The following FOXP1 variants were observed in gnomAD, a reference collection of about 807,000 sequenced individuals.
The protein encoded by FOXP1 is forkhead box P1.
Under a neutral mutation model 98.2 loss-of-function variants are expected in FOXP1, and 15 were observed. That is an observed-to-expected ratio of 0.15 (90% CI 0.10 to 0.24). The LOEUF (loss-of-function observed/expected upper bound fraction) is 0.24. FOXP1 is among the 10% of genes least tolerant of loss of function. The probability of loss-of-function intolerance (pLI) is 1.00; values close to 1 mark genes in which losing one functional copy is unlikely to be tolerated. For synonymous variants in FOXP1, 371 were observed against 314.5 expected (o/e 1.18, Z -1.90); for missense variants, 633 against 848.5 (o/e 0.75, Z 3.15).
intron 3 of FOXP1, among the ~76,000 whole-genome samples, chr3:71,454,555 A>T (rs547472361): frequency 6.6e-6 from 1 of 152,282 alleles, no homozygotes; most frequent in South Asian, 2.1e-4. Context: ...CCTGAACATT[A>T]TCAAAGATGC....
intron 4 of FOXP1, among the ~76,000 whole-genome samples, chr3:71,329,543 C>T (rs372529970): frequency 1.3e-4 from 20 of 150,616 alleles, no homozygotes; most frequent in African/African-American, 4.7e-4. Flanking sequence ...TCTTAAATCT[C>T]ACAACACAGG....
At chr3:71,352,116 G>A (rs577337926) in intron 4 of FOXP1, among the ~76,000 whole-genome samples, 1 of 152,290 alleles carries the variant, frequency 6.6e-6, no homozygotes, top group African/African-American at 2.4e-5. Context: ...ATGCCTGCAA[G>A]TCGATAACCC....
chr3:71,393,467 A>G (rs2081177148), intron 3 of FOXP1, among the ~76,000 whole-genome samples: 1 of 152,132 alleles, frequency 6.6e-6, no homozygotes, highest in Admixed American at 6.5e-5. Flanking sequence ...CCTCTCTAAT[A>G]TCATGTACAT....
intron 3 of FOXP1, among the ~76,000 whole-genome samples, chr3:71,485,855 A>T (rs2090609642): frequency 6.6e-6 from 1 of 151,892 alleles, no homozygotes; most frequent in African/African-American, 2.4e-5. Flanking sequence ...TCAACTGAGG[A>T]AAAAGCCAGG....
chr3:71,112,508 T>C, intron 7 of FOXP1, 28 bp downstream of exon 7: 1 of 1,538,388 alleles, frequency 6.5e-7, no homozygotes, highest in South Asian at 1.1e-5. Flanking sequence ...GGGTATAATG[T>C]CAATTTAAAA....
At chr3:71,177,281 T>C (rs2061998965) in intron 6 of FOXP1, among the ~76,000 whole-genome samples, 1 of 151,986 alleles carries the variant, frequency 6.6e-6, no homozygotes, top group Non-Finnish European at 1.5e-5. Context: ...AAGAGTAAAA[T>C]TAGGTACATC....
intron 16 of FOXP1, 114 bp from the exon 17 acceptor site, chr3:70,977,156 G>A (rs186268031): frequency 1.4e-4 from 108 of 760,834 alleles, no homozygotes; most frequent in South Asian, 1.1e-3. Flanking sequence ...CCTGAGAAAG[G>A]TTTTACAAAA....
intron 5 of FOXP1, among the ~76,000 whole-genome samples, chr3:71,221,611 T>A (rs1356204903): frequency 6.6e-6 from 1 of 152,138 alleles, no homozygotes; most frequent in Non-Finnish European, 1.5e-5. Context: ...AACCTCCTTC[T>A]CTCTACCGCA....
chr3:71,299,235 A>G (rs778396769), intron 5 of FOXP1, among the ~76,000 whole-genome samples: 7 of 152,234 alleles, frequency 4.6e-5, no homozygotes, highest in Non-Finnish European at 8.8e-5. Context: ...GAAAACTTCT[A>G]ATTTTAAAAT....
At chr3:71,142,203 C>A (rs2060103715) in intron 6 of FOXP1, among the ~76,000 whole-genome samples, 1 of 151,908 alleles carries the variant, frequency 6.6e-6, no homozygotes, top group Admixed American at 6.6e-5. Context: ...AAACAAATAC[C>A]TTGGAGGTGG....
intron 1 of FOXP1, chr3:71,582,041 G>A (rs1161291053): frequency 2.0e-6 from 2 of 981,870 alleles, no homozygotes; most frequent in Non-Finnish European, 1.2e-6. Context: ...TGTTTATTTA[G>A]TCCTTATTCT....
chr3:71,024,689 T>G (rs1036135931), intron 11 of FOXP1, among the ~76,000 whole-genome samples: 2 of 152,224 alleles, frequency 1.3e-5, no homozygotes, highest in African/African-American at 4.8e-5. Flanking sequence ...GAGTAAAACT[T>G]GCAATTGGAG....
chr3:71,141,266 CAAAAAAAA>C (rs71621921), intron 6 of FOXP1, among the ~76,000 whole-genome samples: 1 of 71,846 alleles, frequency 1.4e-5, no homozygotes, highest in African/African-American at 4.7e-5. Flanking sequence ...GACTCTGTCT[CAAAAAAAA>C]AAAAAAAAAA....
intron 7 of FOXP1, among the ~76,000 whole-genome samples, chr3:71,066,520 T>C (rs978454209): frequency 1.3e-5 from 2 of 152,156 alleles, no homozygotes; most frequent in African/African-American, 2.4e-5. Flanking sequence ...GTCCCCCGAC[T>C]ATCAGTAGAG....
intron 3 of FOXP1, among the ~76,000 whole-genome samples, chr3:71,395,077 G>A (rs1462132732): frequency 7.5e-6 from 1 of 134,036 alleles, no homozygotes; most frequent in African/African-American, 2.8e-5. Context: ...TCCAGCCTGG[G>A]CAACAAGAGT....
chr3:71,194,274 AAAAG>A (rs557210583), intron 6 of FOXP1, among the ~76,000 whole-genome samples: 5 of 151,638 alleles, frequency 3.3e-5, no homozygotes, highest in South Asian at 4.2e-4. Context: ...AAAAAAAAAA[AAAAG>A]AAAGAAAGAA....
At chr3:71,360,630 A>C (rs2078492088) in intron 3 of FOXP1, 1 of 152,052 alleles carries the variant, frequency 6.6e-6, no homozygotes, top group Non-Finnish European at 1.5e-5. Flanking sequence ...AATGCCATCT[A>C]TATGGTCCTC....
At chr3:71,047,178 T>C (rs2049135991) in intron 9 of FOXP1, 83 bp from the exon 10 acceptor site, 4 of 1,503,160 alleles carry the variant, frequency 2.7e-6, no homozygotes, top group Admixed American at 1.7e-5. Flanking sequence ...CTCACCATCA[T>C]CATCAAATGC....
At chr3:71,306,786 C>T (rs1449145701) in intron 4 of FOXP1, among the ~76,000 whole-genome samples, 1 of 152,108 alleles carries the variant, frequency 6.6e-6, no homozygotes, top group East Asian at 1.9e-4. Context: ...AAACATTACC[C>T]CCATATTAGA....
Sources: gnomAD v4.1 joint callset for allele counts (sites outside exome capture counted in the v4.1 genomes callset) on GRCh38, gnomAD v4.1.1 for gene constraint, MANE v1.5 for transcripts, NCBI Gene and HGNC (gene_info 2026-07-23, HGNC 2026-07-21) for gene names.